The following TRIM9 variants were observed in gnomAD, a reference collection of about 807,000 sequenced individuals.
The protein encoded by TRIM9 is tripartite motif containing 9.
In TRIM9, 26 loss-of-function variants were observed where a neutral mutation model predicts 78.3. That is an observed-to-expected ratio of 0.33 (90% CI 0.24 to 0.46). The LOEUF is 0.46. Among genes scored for constraint, TRIM9 ranks in the 20% least tolerant of loss-of-function variants. TRIM9 has a pLI of 1.00. For missense variants in TRIM9, 787 were observed against 1,036.4 expected (o/e 0.76, Z 3.30); for synonymous variants, 398 against 416.5 (o/e 0.96, Z 0.54).
chr14:51,003,646 TA>T (rs34298749), intron 5 of TRIM9, among the ~76,000 whole-genome samples: 1,736 of 137,528 alleles, frequency 0.013, 31 homozygotes, highest in African/African-American at 0.044. Context: ...ACCAAAAGGA[TA>T]AAAAAAAAAG....
At chr14:50,982,656 T>G in intron 10 of TRIM9, 1 of 441,342 alleles carries the variant, frequency 2.3e-6, no homozygotes, top group Non-Finnish European at 4.1e-6. Context: ...CATGAGTGAT[T>G]GTGACTTGCA....
intron 1 of TRIM9, among the ~76,000 whole-genome samples, chr14:51,088,220 T>G (rs1415383287): frequency 6.6e-6 from 1 of 152,260 alleles, no homozygotes; most frequent in African/African-American, 2.4e-5. Flanking sequence ...ACTTACTAAC[T>G]TATTCACTAA....
At chr14:51,010,048 C>A (rs2056375864) in intron 4 of TRIM9, among the ~76,000 whole-genome samples, 2 of 151,262 alleles carry the variant, frequency 1.3e-5, no homozygotes, top group South Asian at 4.2e-4. Flanking sequence ...GGACCGAATT[C>A]TTGGGCAAGG....
At chr14:51,051,230 C>A (rs2060394189) in intron 1 of TRIM9, among the ~76,000 whole-genome samples, 2 of 152,128 alleles carry the variant, frequency 1.3e-5, no homozygotes, top group Admixed American at 6.5e-5. Flanking sequence ...TGAAAATTTC[C>A]TATATCTTTT....
chr14:51,071,237 A>G (rs1417769710), intron 1 of TRIM9, among the ~76,000 whole-genome samples: 1 of 151,824 alleles, frequency 6.6e-6, no homozygotes, highest in Non-Finnish European at 1.5e-5. Flanking sequence ...TTAGCCAGGC[A>G]TGGTGGCACA....
rs371337165 is a variant in TRIM9 at position 51,026,791 on chromosome 14, A to G, written c.823-1431T>C. ...GGTGCAGATTCTCGCTCTATCCCCT[A>G]TAAGTGTGACCTTGAGAAAGTTACC... On this transcript the variant is annotated intron_variant, in intron 1 of 12. Transcript: ENST00000684578. Among the ~76,000 whole-genome samples, 446 of 152,338 alleles carry G rather than the reference A, an allele frequency of 2.9e-3. 2 individuals carry two copies. Among genetic ancestry groups the G allele is most frequent in the Non-Finnish European group, 5.0e-3 (339 of 68,024 alleles).
rs747305001 is a variant in TRIM9 at position 51,009,180 on chromosome 14, T to C, written c.1206A>G (p.Lys402=). The C allele has an allele frequency of 6.2e-7, 1 of 1,614,030 alleles. No individual in the cohort carries two copies. The highest frequency in any genetic ancestry group is 1.7e-5 in the Admixed American group (1 of 60,012). The part of the protein sequence containing the change: ...RVHLTEDQWG[K]GTLTPRMTTD... ...TGGTCATCCTTGGAGTGAGTGTGCC[T>C]TTACCCCACTGATCCTCAGTCAGGT... The change falls in exon 5 of 13, where the codon AAA becomes AAG. Residue 402 remains lysine (K), a synonymous_variant. Transcript: ENST00000684578.
intron 7 of TRIM9, among the ~76,000 whole-genome samples, chr14:50,987,576 G>A (rs1299338050): frequency 6.6e-6 from 1 of 152,054 alleles, no homozygotes; most frequent in African/African-American, 2.4e-5. Context: ...ACTTCATATG[G>A]TTTGAATGAC....
chr14:50,987,012 AAAC>A (rs764555643), intron 7 of TRIM9, among the ~76,000 whole-genome samples: 14 of 152,318 alleles, frequency 9.2e-5, no homozygotes, highest in Middle Eastern at 6.8e-3. Context: ...CTATTTTGTC[AAAC>A]AATAGCTGGT....
chr14:51,055,697 G>A (rs2060842197), intron 1 of TRIM9, among the ~76,000 whole-genome samples: 1 of 152,188 alleles, frequency 6.6e-6, no homozygotes. Context: ...CTGACACCTC[G>A]ATTTTAGCCC....
At chr14:51,087,851 A>C (rs1423856208) in intron 1 of TRIM9, among the ~76,000 whole-genome samples, 1 of 152,096 alleles carries the variant, frequency 6.6e-6, no homozygotes, top group Non-Finnish European at 1.5e-5. Flanking sequence ...TTAATGAAAA[A>C]CTCAATTAGA....
chr14:51,041,011 G>A (rs115899760), intron 1 of TRIM9, among the ~76,000 whole-genome samples: 2,764 of 152,232 alleles, frequency 0.018, 66 homozygotes, highest in African/African-American at 0.054. Context: ...GTACTTATAG[G>A]TCAATTTCCT....
chr14:51,060,767 T>C (rs900560114), intron 1 of TRIM9, among the ~76,000 whole-genome samples: 1 of 152,082 alleles, frequency 6.6e-6, no homozygotes, highest in African/African-American at 2.4e-5. Flanking sequence ...GCACCCAGCC[T>C]ATATTCATTC....
At chr14:50,987,728 G>T (rs1344523933) in intron 7 of TRIM9, among the ~76,000 whole-genome samples, 1 of 152,004 alleles carries the variant, frequency 6.6e-6, no homozygotes. Flanking sequence ...ACTGGCATGG[G>T]TTTCTATTAT....
intron 7 of TRIM9, chr14:50,997,589 A>AGGTG: frequency 9.9e-7 from 1 of 1,005,818 alleles, no homozygotes; most frequent in African/African-American, 1.7e-5. Flanking sequence ...AAACACATTC[A>AGGTG]GTCATACAAA....
At chr14:51,021,387 C>T (rs12891408) in intron 3 of TRIM9, among the ~76,000 whole-genome samples, 6,111 of 152,272 alleles carry the variant, frequency 0.04, 169 homozygotes, top group Middle Eastern at 0.14. Context: ...TACTCTGTGA[C>T]CGTTTTAACT....
intron 1 of TRIM9, among the ~76,000 whole-genome samples, chr14:51,026,686 G>A (rs10400714): frequency 0.064 from 9,757 of 152,166 alleles, 582 homozygotes; most frequent in African/African-American, 0.16. Flanking sequence ...ACAAAGTTGG[G>A]CACTGACTCT....
intron 4 of TRIM9, among the ~76,000 whole-genome samples, chr14:51,010,101 C>T (rs1035893626): frequency 7.0e-6 from 1 of 142,938 alleles, no homozygotes; most frequent in South Asian, 2.3e-4. Flanking sequence ...ATTATGTTTT[C>T]ATGATTAAAC....
chr14:50,979,137 C>T (rs2051461404), intron 12 of TRIM9: 1 of 1,405,078 alleles, frequency 7.1e-7, no homozygotes, highest in South Asian at 1.7e-5. Flanking sequence ...CATTAGCCAA[C>T]CATGAAGAGA....
Sources: allele counts gnomAD v4.1 joint callset (sites outside exome capture counted in the v4.1 genomes callset), GRCh38; gene constraint gnomAD v4.1.1; transcripts MANE v1.5; gene names NCBI Gene and HGNC (gene_info 2026-07-23, HGNC 2026-07-21).